TYRO3: variants seen among roughly 807,000 people sequenced by gnomAD.
TYRO3 encodes TYRO3 protein tyrosine kinase, also known as tyrosine-protein kinase receptor TYRO3.
A neutral mutation model predicts 95.2 loss-of-function variants in TYRO3; 38 were observed. The ratio of observed to expected loss-of-function variants is 0.40; its 90% CI spans 0.31 to 0.52. The LOEUF (loss-of-function observed/expected upper bound fraction) is 0.52, where lower values mean the gene tolerates loss of function less well. Among genes scored for constraint, TYRO3 ranks in the 20% least tolerant of loss-of-function variants. The pLI is 0.56. For synonymous variants in TYRO3, 367 were observed against 432.9 expected (o/e 0.85, Z 1.89); for missense variants, 812 against 1,116.4 (o/e 0.73, Z 3.89).
chr15:41,576,775 G>C (rs1020031224), intron 18 of TYRO3, among the ~76,000 whole-genome samples: 3 of 148,630 alleles, frequency 2.0e-5, no homozygotes, highest in African/African-American at 7.5e-5. Context: ...GAGATCTTCT[G>C]CCCAGCCTCC....
intron 3 of TYRO3, chr15:41,562,028 A>G (rs894182065): frequency 3.3e-5 from 6 of 184,342 alleles, no homozygotes; most frequent in African/African-American, 1.4e-4. Context: ...GAAAGTAACA[A>G]AGGGCCCTGA....
chr15:41,563,540 G>A (rs2055683383), intron 4 of TYRO3, among the ~76,000 whole-genome samples: 1 of 152,126 alleles, frequency 6.6e-6, no homozygotes, highest in Non-Finnish European at 1.5e-5. Context: ...GCGCTGAGTT[G>A]GAGCAGATTA....
chr15:41,563,078 G>A (rs895970398), intron 4 of TYRO3, among the ~76,000 whole-genome samples: 1 of 152,132 alleles, frequency 6.6e-6, no homozygotes, highest in Non-Finnish European at 1.5e-5. Flanking sequence ...CAGAACTAGG[G>A]AGGAGTATCT....
In TYRO3 at chr15:41,577,872, T is replaced by C. The variant is rs950160335; in HGVS notation, c.2283-14T>C. On this transcript the variant is annotated splice_polypyrimidine_tract_variant and intron_variant, in intron 18 of 18. Coordinates refer to ENST00000263798, the MANE Select transcript of TYRO3 (RefSeq NM_006293.4). ...AAGGGCTCCTGCCTTTTCTCACGCT[T>C]CTCTCCACCCCAGGTATGATCTCAT... is the stretch of plus-strand genomic sequence containing the variant. 4.4e-6 allele frequency: 7 copies of C among 1,604,252 alleles called. No homozygotes were observed. In the African/African-American group the frequency reaches 9.4e-5, roughly 22 times the overall value.
intron 18 of TYRO3, 159 bp from the exon 19 acceptor site, chr15:41,577,727 T>C: frequency 1.5e-6 from 1 of 677,158 alleles, no homozygotes; most frequent in African/African-American, 1.8e-5. Context: ...GCTCAAATAA[T>C]ACCCCCCTTC....
chr15:41,568,842 G>C (rs28704130), intron 8 of TYRO3, 36 bp from the exon 9 acceptor site: 1 of 1,600,734 alleles, frequency 6.2e-7, no homozygotes. Context: ...CTTCTCCCCA[G>C]GCTCACTATG....
At chr15:41,562,806 C>T (rs553174598) in intron 4 of TYRO3, 88 bp downstream of exon 4, 32 of 1,348,128 alleles carry the variant, frequency 2.4e-5, no homozygotes, top group Middle Eastern at 2.3e-4. Flanking sequence ...ACTGAGCTTG[C>T]GGTTGTGAGC....
Position 41,562,596 on chromosome 15 carries a change from A to G in TYRO3, c.458A>G (p.Asn153Ser), listed in dbSNP as rs138698563. The change falls in exon 4 of 19, where the codon AAT becomes AGT. Residue 153 changes from asparagine (N) to serine (S), a missense_variant. Transcript: ENST00000263798. ...VEPKDLAVPP[N>S]APFQLSCEAV... ...CCAAAAGATCTGGCAGTGCCACCCA[A>G]TGCCCCTTTCCAACTGTCTTGTGAG... The G allele has an allele frequency of 3.1e-6, 5 of 1,613,436 alleles. No individual in the cohort carries two copies. The highest frequency in any genetic ancestry group is 3.3e-5 in the Admixed American group (2 of 59,996).
chr15:41,568,471 G>A (rs1008316160), intron 8 of TYRO3, 109 bp downstream of exon 8: 45 of 1,136,250 alleles, frequency 4.0e-5, no homozygotes, highest in Non-Finnish European at 5.0e-5. Context: ...TGGGTCTCCC[G>A]CAGCCCCAGG....
In TYRO3 at chr15:41,578,064, C is replaced by A; in HGVS notation, c.2461C>A (p.Leu821Ile). Reference protein sequence around the residue: ...EEPTAGGSLELPGRDQPYSGA... With the variant: ...EEPTAGGSLEIPGRDQPYSGA... ...GCCCACTGCGGGAGGCAGCCTGGAG[C>A]TACCTGGCAGGGATCAGCCCTACAG... The change falls in exon 19 of 19, where the codon CTA becomes ATA. Residue 821 changes from leucine to isoleucine, a missense_variant. Physicochemically the swap from Leu to Ile is conservative, Grantham distance 5. Coordinates refer to ENST00000263798, the MANE Select transcript of TYRO3 (RefSeq NM_006293.4). 1 of 1,614,082 alleles carries A rather than the reference C, an allele frequency of 6.2e-7. No individual in the cohort carries two copies. Among genetic ancestry groups the A allele is most frequent in the Non-Finnish European group, 8.5e-7 (1 of 1,180,030 alleles).
At chr15:41,576,660 TTTTTTTTTTA>T (rs1209222363) in intron 18 of TYRO3, among the ~76,000 whole-genome samples, 6 of 131,948 alleles carry the variant, frequency 4.5e-5, no homozygotes, top group African/African-American at 1.6e-4. Context: ...TTTTTTTTTT[TTTTTTTTTTA>T]AAAAAAAAAA....
intron 18 of TYRO3, among the ~76,000 whole-genome samples, chr15:41,576,376 A>C (rs1297453987): frequency 6.6e-6 from 1 of 151,686 alleles, no homozygotes; most frequent in Non-Finnish European, 1.5e-5. Flanking sequence ...TATTTTTAGT[A>C]GAGACGGGGT....
intron 5 of TYRO3, 42 bp downstream of exon 5, chr15:41,564,312 G>A (rs752754184): frequency 1.3e-6 from 2 of 1,574,938 alleles, no homozygotes; most frequent in South Asian, 1.1e-5. Context: ...GAGGCCAGGG[G>A]CATTCCCAGC....
intron 8 of TYRO3, 151 bp from the exon 9 acceptor site, chr15:41,568,727 T>A: frequency 1.1e-6 from 1 of 892,620 alleles, no homozygotes; most frequent in Admixed American, 2.8e-5. Context: ...AGGAATGTGA[T>A]TACTCCCAGA....
Position 41,571,029 on chromosome 15 carries a change from G to C in TYRO3, c.1580-9G>C, listed in dbSNP as rs2055788815. On this transcript the variant is annotated splice_polypyrimidine_tract_variant and intron_variant, in intron 12 of 18. Coordinates refer to ENST00000263798, the MANE Select transcript of TYRO3 (RefSeq NM_006293.4). ...AAGGAGACTCTCCCTTACTTGGATT[G>C]GTTCCTAGGAGAGTTTGGTTCAGTG... is the stretch of plus-strand genomic sequence containing the variant. The C allele has an allele frequency of 3.8e-6, 5 of 1,329,052 alleles. No homozygotes were observed. The highest frequency in any genetic ancestry group is 5.4e-6 in the Non-Finnish European group (5 of 921,764). The allele number at this position is 1,329,052 out of a possible 1,614,324, so 82.3% of individuals were successfully genotyped here.
At position 41,573,103 on chromosome 15, in the gene TYRO3, G is replaced by T; in HGVS notation, c.1977G>T (p.Arg659=). The change falls in exon 16 of 19, where the codon CGG becomes CGT. Residue 659 remains arginine, a synonymous_variant. Transcript: ENST00000263798. ...TCATCCACCGAGACCTGGCTGCTCGGAATTGCATGTACGAATTCTGGAGGA... is the reference window on the plus strand; with the variant it reads ...TCATCCACCGAGACCTGGCTGCTCGTAATTGCATGTACGAATTCTGGAGGA... ...RNFIHRDLAA[R]NCMLAEDMTV... 1 of 1,613,980 alleles carries T rather than the reference G, an allele frequency of 6.2e-7. No individual in the cohort carries two copies. The highest frequency in any genetic ancestry group is 1.1e-5 in the South Asian group (1 of 91,064).
At position 41,562,807 on chromosome 15, in the gene TYRO3, G is replaced by A. The variant is rs150490291; in HGVS notation, c.580+89G>A. The A allele has an allele frequency of 1.9e-3, 2,619 of 1,351,872 alleles. 12 individuals are homozygous for A. The highest frequency in any genetic ancestry group is 0.015 in the Middle Eastern group (66 of 4,262). The allele number at this position is 1,351,872 out of a possible 1,614,324, so 83.7% of individuals were successfully genotyped here. A position where few individuals can be genotyped will look rare whatever the true frequency, so the allele number is the denominator to read the frequency against. The stretch of plus-strand genomic sequence containing the variant: ...TGGCAGTTTCAGCCACTGAGCTTGC[G>A]GTTGTGAGCGTCCAGAGCAAGCCCC... On this transcript the variant is annotated intron_variant, in intron 4 of 18. Transcript: ENST00000263798.
At chr15:41,569,297 T>TCAA (rs2055765278) in intron 9 of TYRO3, among the ~76,000 whole-genome samples, 9 of 138,546 alleles carry the variant, frequency 6.5e-5, no homozygotes, top group Non-Finnish European at 1.1e-4. Context: ...ACAAAAAAAT[T>TCAA]AAAAAAAAAA....
At chr15:41,574,697 C>T (rs150609892) in intron 18 of TYRO3, 2 of 455,626 alleles carry the variant, frequency 4.4e-6, no homozygotes, top group East Asian at 6.9e-5. Context: ...CTCCCTAGGC[C>T]TTCAGACAAC....
Sources: gnomAD v4.1 joint callset for allele counts (sites outside exome capture counted in the v4.1 genomes callset) on GRCh38, gnomAD v4.1.1 for gene constraint, MANE v1.5 for transcripts, NCBI Gene and HGNC (gene_info 2026-07-23, HGNC 2026-07-21) for gene names.